ALX4: variants seen among roughly 807,000 people sequenced by gnomAD.
ALX4 encodes homeobox protein aristaless-like 4.
A neutral mutation model predicts 40.6 loss-of-function variants in ALX4; 22 were observed. The ratio of observed to expected loss-of-function variants is 0.54; its 90% CI spans 0.39 to 0.77. The LOEUF is 0.77. Among genes scored for constraint, ALX4 ranks in the 30% least tolerant of loss-of-function variants. The pLI, the probability that ALX4 is intolerant of heterozygous loss-of-function variation, is 0.00. For synonymous variants in ALX4, 266 were observed against 240.5 expected, an observed-to-expected ratio of 1.11 and a Z score of -0.98; for missense variants, 556 against 564.8, an observed-to-expected ratio of 0.98 and a Z score of 0.16.
chr11:44,293,419 A>T (rs200474254), intron 1 of ALX4, among the ~76,000 whole-genome samples: 1 of 11,848 alleles, frequency 8.4e-5, no homozygotes, highest in South Asian at 2.2e-3. Context: ...TCTTAAAAAA[A>T]GAAAAAAAAA....
chr11:44,271,560 A>G (rs1956247532), intron 2 of ALX4, among the ~76,000 whole-genome samples: 1 of 152,238 alleles, frequency 6.6e-6, no homozygotes, highest in Non-Finnish European at 1.5e-5. Flanking sequence ...TTTGTGCTCA[A>G]TGGCAACCAT....
At chr11:44,286,680 G>C (rs1330675117) in intron 1 of ALX4, among the ~76,000 whole-genome samples, 1 of 152,202 alleles carries the variant, frequency 6.6e-6, no homozygotes, top group Non-Finnish European at 1.5e-5. Context: ...CAAAGAGATG[G>C]ATGGGGCGGG....
intron 1 of ALX4, among the ~76,000 whole-genome samples, chr11:44,299,675 G>T (rs975100562): frequency 1.3e-5 from 2 of 152,152 alleles, no homozygotes; most frequent in Middle Eastern, 3.4e-3. Context: ...GGCCATGTTT[G>T]TAAGACCCTG....
rs199675093 is a variant in ALX4 at position 44,275,329 on chromosome 11, C to T, written c.777+19G>A. ...AGGCTCTGCTTTACCAGCCTCACTC[C>T]CAGGTGGCCCTCACTGACCTGCACG... On this transcript the variant is annotated intron_variant, in intron 2 of 3. Transcript: ENST00000652299. 5 of 1,614,052 alleles carry T rather than the reference C, an allele frequency of 3.1e-6. No homozygotes were observed. The highest frequency in any genetic ancestry group is 4.2e-6 in the Non-Finnish European group (5 of 1,179,948).
Position 44,309,981 on chromosome 11 carries a change from G to A in ALX4, c.82C>T (p.Arg28Trp). Residue 28 changes from arginine to tryptophan, a missense_variant, in exon 1 of 4, where the codon CGG becomes TGG. Transcript: ENST00000652299. ...DAYYSPVSQS[R>W]EGSSPFRAFP... ...GCCCTAAAAGGCGACGAGCCCTCCCGACTCTGCGACACCGGGCTGTAGTAG... is the reference window on the plus strand; with the variant it reads ...GCCCTAAAAGGCGACGAGCCCTCCCAACTCTGCGACACCGGGCTGTAGTAG... 1 of 1,599,976 alleles carries A rather than the reference G, an allele frequency of 6.3e-7. No individual in the cohort carries two copies. The highest frequency in any genetic ancestry group is 8.5e-7 in the Non-Finnish European group (1 of 1,173,462).
chr11:44,278,513 G>A (rs566242994), intron 1 of ALX4, among the ~76,000 whole-genome samples: 90 of 152,338 alleles, frequency 5.9e-4, no homozygotes, highest in Non-Finnish European at 1.1e-3. Flanking sequence ...CAGCCTCTCA[G>A]CACTGAGCCA....
At chr11:44,288,996 C>G (rs1956354925) in intron 1 of ALX4, among the ~76,000 whole-genome samples, 1 of 152,190 alleles carries the variant, frequency 6.6e-6, no homozygotes, top group Non-Finnish European at 1.5e-5. Context: ...CACCCTGTGT[C>G]TTGCCTTACT....
intron 1 of ALX4, among the ~76,000 whole-genome samples, chr11:44,292,310 A>G (rs1008467530): frequency 5.3e-5 from 8 of 151,570 alleles, no homozygotes; most frequent in Non-Finnish European, 4.4e-5. Flanking sequence ...GGCTCAAGCA[A>G]TCCTCCCTCC....
At position 44,310,024 on chromosome 11, in the gene ALX4, C is replaced by G. The variant is rs774394460; in HGVS notation, c.39G>C (p.Pro13=). ...AETCVSYCES[P]AAAMDAYYSP... ...TGTAGTAGGCGTCCATGGCAGCGGC[C>G]GGCGACTCGCAGTAAGAGACGCAAG... Residue 13 remains proline, a synonymous_variant, in exon 1 of 4, where the codon CCG becomes CCC. Coordinates refer to ENST00000652299, the MANE Select transcript of ALX4 (RefSeq NM_021926.4). 1.1e-5 allele frequency: 17 copies of G among 1,602,386 alleles called. 1 individual carries two copies. The South Asian group carries it at 1.7e-4, about 16-fold the overall frequency.
chr11:44,303,346 C>G (rs932842733), intron 1 of ALX4, among the ~76,000 whole-genome samples: 2 of 152,246 alleles, frequency 1.3e-5, no homozygotes, highest in Non-Finnish European at 2.9e-5. Flanking sequence ...GCCCAGCAGC[C>G]TTGACCAAGC....
At chr11:44,301,876 G>A (rs577428492) in intron 1 of ALX4, among the ~76,000 whole-genome samples, 3 of 152,350 alleles carry the variant, frequency 2.0e-5, no homozygotes, top group East Asian at 3.9e-4. Flanking sequence ...GAGCCACACG[G>A]GACAGAGGGT....
rs533807168 is a variant in ALX4 at position 44,277,345 on chromosome 11, G to T, written c.467-1687C>A. Among the ~76,000 whole-genome samples, 3 of 152,280 alleles carry T rather than the reference G, an allele frequency of 2.0e-5. No homozygotes were observed. In the South Asian group the frequency reaches 6.2e-4, roughly 32 times the overall value. ...GATGCCTAGGGAAGGGCAGCCAACT[G>T]GGTGTCTGCAGATGTGGGTGTGAAC... is the stretch of plus-strand genomic sequence containing the variant. On this transcript the variant is annotated intron_variant, in intron 1 of 3. Transcript: ENST00000652299.
intron 2 of ALX4, 49 bp from the exon 3 acceptor site, chr11:44,267,671 G>A (rs1258265893): frequency 1.2e-5 from 19 of 1,612,800 alleles, no homozygotes; most frequent in Non-Finnish European, 1.5e-5. Flanking sequence ...TGCCCGCCTG[G>A]AGGCCTCACT....
At chr11:44,294,626 A>G (rs1956392437) in intron 1 of ALX4, among the ~76,000 whole-genome samples, 1 of 152,104 alleles carries the variant, frequency 6.6e-6, no homozygotes, top group Non-Finnish European at 1.5e-5. Context: ...GTTTTAAAAG[A>G]CAATGTCAAC....
intron 1 of ALX4, among the ~76,000 whole-genome samples, chr11:44,284,666 G>A (rs921774203): frequency 7.2e-5 from 11 of 152,176 alleles, no homozygotes; most frequent in African/African-American, 2.7e-4. Flanking sequence ...TTGAGGTTCA[G>A]AGACCTGCTT....
intron 1 of ALX4, among the ~76,000 whole-genome samples, chr11:44,306,874 G>T (rs768602352): frequency 1.3e-5 from 2 of 152,060 alleles, no homozygotes; most frequent in African/African-American, 2.4e-5. Flanking sequence ...GACCTAACGC[G>T]CCTAATCCCT....
intron 1 of ALX4, among the ~76,000 whole-genome samples, chr11:44,290,991 C>CCTGCAA (rs1205397213): frequency 6.6e-6 from 1 of 152,200 alleles, no homozygotes; most frequent in Admixed American, 6.5e-5. Flanking sequence ...CGTTGCTCAG[C>CCTGCAA]CTGCAACTGT....
intron 1 of ALX4, among the ~76,000 whole-genome samples, chr11:44,285,778 G>C (rs1323854322): frequency 6.6e-6 from 1 of 151,916 alleles, no homozygotes; most frequent in African/African-American, 2.4e-5. Flanking sequence ...GCTCAGCCAA[G>C]GGCCACCCTT....
chr11:44,297,304 T>G (rs1384094272), intron 1 of ALX4, among the ~76,000 whole-genome samples: 5 of 152,176 alleles, frequency 3.3e-5, no homozygotes, highest in Non-Finnish European at 5.9e-5. Context: ...AATAAAGATT[T>G]TGAATGCAAA....
Sources: allele counts gnomAD v4.1 joint callset (sites outside exome capture counted in the v4.1 genomes callset), GRCh38; gene constraint gnomAD v4.1.1; transcripts MANE v1.5; gene names NCBI Gene and HGNC (gene_info 2026-07-23, HGNC 2026-07-21).